DPP10: variants seen among roughly 807,000 people sequenced by gnomAD.
DPP10 encodes dipeptidyl peptidase like 10.
Under a neutral mutation model 120.9 loss-of-function variants are expected in DPP10, and 33 were observed. The observed-to-expected ratio is 0.27, with a 90% CI of 0.21 to 0.37. DPP10 has a LOEUF of 0.37. Ranked by LOEUF, DPP10 falls within the 10% of genes least tolerant of loss-of-function variation. DPP10 has a pLI of 1.00. For missense variants in DPP10, 816 were observed against 942.8 expected (o/e 0.87, Z 1.76); for synonymous variants, 337 against 326.1 (o/e 1.03, Z -0.36).
chr2:114,632,396 C>CTATA (rs998892177), intron 1 of DPP10, among the ~76,000 whole-genome samples: 2 of 147,658 alleles, frequency 1.4e-5, no homozygotes, highest in African/African-American at 5.0e-5. Flanking sequence ...TTTATAAGTA[C>CTATA]TATATATATA....
chr2:115,461,059 A>T (rs1176182855), intron 3 of DPP10, among the ~76,000 whole-genome samples: 1 of 152,186 alleles, frequency 6.6e-6, no homozygotes, highest in East Asian at 1.9e-4. Context: ...TGATGAATTT[A>T]AAAAGTTGTT....
intron 1 of DPP10, among the ~76,000 whole-genome samples, chr2:114,848,749 A>G (rs1439537980): frequency 2.0e-5 from 3 of 152,210 alleles, no homozygotes; most frequent in Admixed American, 1.3e-4. Flanking sequence ...TTTCAAAGGA[A>G]TAGGTCAGAA....
At chr2:115,553,785 T>C (rs2080027044) in intron 5 of DPP10, among the ~76,000 whole-genome samples, 1 of 151,916 alleles carries the variant, frequency 6.6e-6, no homozygotes, top group South Asian at 2.1e-4. Context: ...GATGCTTATA[T>C]AGATGTTTCT....
intron 4 of DPP10, among the ~76,000 whole-genome samples, chr2:115,503,211 A>G (rs1384917655): frequency 6.6e-6 from 1 of 152,164 alleles, no homozygotes; most frequent in East Asian, 1.9e-4. Context: ...GTTTATTTAT[A>G]TATAGGCAAT....
intron 7 of DPP10, among the ~76,000 whole-genome samples, chr2:115,722,772 T>C (rs1575603114): frequency 6.6e-6 from 1 of 150,648 alleles, no homozygotes; most frequent in Admixed American, 6.6e-5. Context: ...CAAGCAACTA[T>C]AGTCATCCAT....
At chr2:115,628,578 A>G (rs2085564239) in intron 5 of DPP10, among the ~76,000 whole-genome samples, 1 of 152,130 alleles carries the variant, frequency 6.6e-6, no homozygotes, top group African/African-American at 2.4e-5. Flanking sequence ...TGCTTTCATC[A>G]TGAAATTTTT....
chr2:114,719,401 C>A (rs1457713172), intron 1 of DPP10, among the ~76,000 whole-genome samples: 1 of 152,178 alleles, frequency 6.6e-6, no homozygotes, highest in African/African-American at 2.4e-5. Flanking sequence ...CCTGCCCACC[C>A]ACCCCCATTT....
At chr2:115,542,119 T>C (rs2079206675) in intron 5 of DPP10, among the ~76,000 whole-genome samples, 1 of 151,892 alleles carries the variant, frequency 6.6e-6, no homozygotes, top group Non-Finnish European at 1.5e-5. Flanking sequence ...CTGACATGCC[T>C]TTGTGTGTGA....
At chr2:114,978,939 A>G (rs1699919789) in intron 1 of DPP10, among the ~76,000 whole-genome samples, 1 of 152,112 alleles carries the variant, frequency 6.6e-6, no homozygotes, top group Non-Finnish European at 1.5e-5. Flanking sequence ...GCTGGACCGT[A>G]TAATTCAGTA....
At chr2:115,619,231 C>G (rs945796973) in intron 5 of DPP10, among the ~76,000 whole-genome samples, 4 of 150,102 alleles carry the variant, frequency 2.7e-5, no homozygotes, top group African/African-American at 9.9e-5. Context: ...GTGCGTGCCA[C>G]CACGTCTGGC....
chr2:114,443,701 A>C (rs1489793121), intron 1 of DPP10, among the ~76,000 whole-genome samples: 1 of 39,924 alleles, frequency 2.5e-5, no homozygotes, highest in Non-Finnish European at 6.1e-5. Flanking sequence ...TCTTTTATGA[A>C]AAAAAAAAAA....
At chr2:114,563,481 C>T (rs1688937692) in intron 1 of DPP10, among the ~76,000 whole-genome samples, 2 of 152,084 alleles carry the variant, frequency 1.3e-5, no homozygotes, top group South Asian at 4.1e-4. Flanking sequence ...GAGGAATGGG[C>T]ATGCCTTGAA....
Position 115,390,369 on chromosome 2 carries a change from A to G in DPP10, c.271+46457A>G, listed in dbSNP as rs531676740. On this transcript the variant is annotated intron_variant, in intron 3 of 25. Transcript: ENST00000410059. ...TGTTAACCAACTGGTATTTTCTGCC[A>G]AACGAGAGATGGCATTTCTGTTGAT... 1.4e-3 allele frequency among the ~76,000 whole-genome samples: 210 copies of G among 152,322 alleles called. 1 individual carries two copies. Among genetic ancestry groups the G allele is most frequent in the African/African-American group, 4.8e-3 (201 of 41,582 alleles).
intron 19 of DPP10, among the ~76,000 whole-genome samples, chr2:115,794,065 C>G (rs9308719): frequency 0.039 from 5,974 of 152,062 alleles, 397 homozygotes; most frequent in African/African-American, 0.14. Flanking sequence ...ACTTCCCATT[C>G]TAAAAGTAAT....
At chr2:114,956,670 G>A (rs1310712480) in intron 1 of DPP10, among the ~76,000 whole-genome samples, 1 of 152,030 alleles carries the variant, frequency 6.6e-6, no homozygotes, top group African/African-American at 2.4e-5. Context: ...AATCCTGGAG[G>A]TATCATGCTA....
chr2:114,907,211 C>T (rs1205849931), intron 1 of DPP10, among the ~76,000 whole-genome samples: 6 of 151,414 alleles, frequency 4.0e-5, no homozygotes, highest in East Asian at 1.9e-4. Flanking sequence ...TTTTCTTGGT[C>T]GGTGTAGATA....
At chr2:114,574,112 A>C (rs949379149) in intron 1 of DPP10, among the ~76,000 whole-genome samples, 3 of 152,196 alleles carry the variant, frequency 2.0e-5, no homozygotes, top group Non-Finnish European at 2.9e-5. Flanking sequence ...TGAAAGACTC[A>C]GGACATTTCT....
chr2:115,370,094 T>A (rs544653595), intron 3 of DPP10, among the ~76,000 whole-genome samples: 1 of 152,282 alleles, frequency 6.6e-6, no homozygotes, highest in South Asian at 2.1e-4. Flanking sequence ...GTTTTAATAT[T>A]GAGATTTCTC....
chr2:115,181,165 G>A (rs2054052820), intron 1 of DPP10, among the ~76,000 whole-genome samples: 2 of 152,202 alleles, frequency 1.3e-5, no homozygotes, highest in Non-Finnish European at 2.9e-5. Flanking sequence ...CAGTTTGGGT[G>A]TGAAAATACT....
Sources: allele counts gnomAD v4.1 joint callset (sites outside exome capture counted in the v4.1 genomes callset), GRCh38; gene constraint gnomAD v4.1.1; transcripts MANE v1.5; gene names NCBI Gene and HGNC (gene_info 2026-07-23, HGNC 2026-07-21).